PCDHGC4: variants seen among roughly 807,000 people sequenced by gnomAD.
The protein encoded by PCDHGC4 is protocadherin gamma subfamily C, 4, also known as protocadherin gamma-C4.
A neutral mutation model predicts 59.7 loss-of-function variants in PCDHGC4; 15 were observed. The observed-to-expected ratio is 0.25, with a 90% CI of 0.17 to 0.39. The LOEUF (loss-of-function observed/expected upper bound fraction) is 0.39, where lower values mean the gene tolerates loss of function less well. Among genes scored for constraint, PCDHGC4 ranks in the 10% least tolerant of loss-of-function variants. The pLI is 1.00. For synonymous variants in PCDHGC4, 434 were observed against 481.4 expected, an observed-to-expected ratio of 0.90 and a Z score of 1.29; for missense variants, 1,016 against 1,189.5, an observed-to-expected ratio of 0.85 and a Z score of 2.15.
chr5:141,485,070 G>T lies in PCDHGC4; in HGVS notation c.-104G>T. ...CGCCGGCCGAACCGCGCCAGAGCTG[G>T]CGCGGGGAAAGGGAGATAGGTGTCT... On this transcript the variant is annotated 5_prime_UTR_variant, in exon 1 of 4. Coordinates refer to ENST00000306593, the MANE Select transcript of PCDHGC4 (RefSeq NM_018928.3). This position sits in a 1 kb window ranked among gnomAD's most constrained non-coding sequence, Gnocchi z 5.7. 1.1e-6 allele frequency: 1 copy of T among 908,406 alleles called. No individual in the cohort carries two copies. Among genetic ancestry groups the T allele is most frequent in the East Asian group, 2.4e-5 (1 of 41,326 alleles). 56.3% of individuals were successfully genotyped at this position (908,406 alleles called of 1,614,324 possible).
intron 2 of PCDHGC4, among the ~76,000 whole-genome samples, chr5:141,497,332 A>G (rs537994715): frequency 6.6e-6 from 1 of 152,024 alleles, no homozygotes; most frequent in Non-Finnish European, 1.5e-5. Context: ...AGAATTCACC[A>G]TTGAACCTGG....
At position 141,491,969 on chromosome 5, in the gene PCDHGC4, C is replaced by A; in HGVS notation, c.2443-2838C>A. ...CCCCTACACTCAAAAAAGGCCGGGGCCTCCTTCGAGCTTCCGGTGAATTTC... is the reference window on the plus strand; with the variant it reads ...CCCCTACACTCAAAAAAGGCCGGGGACTCCTTCGAGCTTCCGGTGAATTTC... On this transcript the variant is annotated intron_variant, in intron 1 of 3. Coordinates refer to ENST00000306593, the MANE Select transcript of PCDHGC4 (RefSeq NM_018928.3). The surrounding 1 kb of genome is among the most constrained non-coding windows in gnomAD (Gnocchi z 6.9). 1 of 898,714 alleles carries A rather than the reference C, an allele frequency of 1.1e-6. No individual in the cohort carries two copies. Among genetic ancestry groups the A allele is most frequent in the Non-Finnish European group, 1.6e-6 (1 of 629,384 alleles). 55.7% of individuals were successfully genotyped at this position (898,714 alleles called of 1,614,324 possible). A position where few individuals can be genotyped will look rare whatever the true frequency, so the allele number is the denominator to read the frequency against.
intron 3 of PCDHGC4, 77 bp downstream of exon 3, chr5:141,505,558 C>T (rs945428797): frequency 3.7e-6 from 6 of 1,605,016 alleles, no homozygotes; most frequent in African/African-American, 1.3e-5. Context: ...ACCATGCCCA[C>T]GGACTGGATG....
Position 141,491,954 on chromosome 5 carries a change from C to A in PCDHGC4, c.2443-2853C>A. ...TGGGACCGACCCCCACCCCTACACT[C>A]AAAAAAGGCCGGGGCCTCCTTCGAG... On this transcript the variant is annotated intron_variant, in intron 1 of 3. Transcript: ENST00000306593. This position sits in a 1 kb window ranked among gnomAD's most constrained non-coding sequence, Gnocchi z 6.9. The A allele has an allele frequency of 9.7e-7, 1 of 1,032,914 alleles. No individual in the cohort carries two copies. Among genetic ancestry groups the A allele is most frequent in the Non-Finnish European group, 1.3e-6 (1 of 747,256 alleles). The allele number at this position is 1,032,914 out of a possible 1,614,324, so 64.0% of individuals were successfully genotyped here.
chr5:141,488,095 A>G (rs78361634), intron 1 of PCDHGC4, among the ~76,000 whole-genome samples: 8,142 of 152,146 alleles, frequency 0.054, 446 homozygotes, highest in African/African-American at 0.15. Flanking sequence ...CTGTGAAGGG[A>G]CCTCTCTATT....
intron 2 of PCDHGC4, among the ~76,000 whole-genome samples, chr5:141,498,795 T>C (rs2099785702): frequency 6.6e-6 from 1 of 152,032 alleles, no homozygotes; most frequent in Admixed American, 6.6e-5. Context: ...TAGCCAGGTG[T>C]GGTGGTGCAC....
At position 141,485,532 on chromosome 5, in the gene PCDHGC4, A is replaced by C. The variant is rs1360942348; in HGVS notation, c.359A>C (p.Glu120Ala). 6.2e-7 allele frequency: 1 copy of C among 1,614,108 alleles called. No individual in the cohort carries two copies. The highest frequency in any genetic ancestry group is 1.7e-5 in the Admixed American group (1 of 60,000). ...GGTCCTTTGGAAATGTACCGAGCAG[A>C]GGTAGAGATCGTAGATGTGAATGAT... Reference protein sequence around the residue: ...TEGPLEMYRAEVEIVDVNDHA... With the variant: ...TEGPLEMYRAAVEIVDVNDHA... Residue 120 changes from glutamate (E) to alanine (A), a missense_variant, in exon 1 of 4, where the codon GAG becomes GCG. Physicochemically the swap from Glu to Ala is moderately radical, Grantham distance 107. Transcript: ENST00000306593. This position sits in a 1 kb window ranked among gnomAD's most constrained non-coding sequence, Gnocchi z 5.7.
In PCDHGC4 at chr5:141,512,133, G is replaced by A. The variant is rs1394116556; in HGVS notation, c.*960G>A. ...CCACTACATAATAGGGCTCAGCCCA[G>A]GCAGCCAGCTTTGGGCTGAGCTAAC... On this transcript the variant is annotated 3_prime_UTR_variant, in exon 4 of 4. Coordinates refer to ENST00000306593, the MANE Select transcript of PCDHGC4 (RefSeq NM_018928.3). 3 of 152,708 alleles carry A rather than the reference G, an allele frequency of 2.0e-5. No homozygotes were observed. Among genetic ancestry groups the A allele is most frequent in the Non-Finnish European group, 2.9e-5 (2 of 68,102 alleles). 9.5% of individuals were successfully genotyped at this position (152,708 alleles called of 1,614,324 possible).
intron 3 of PCDHGC4, among the ~76,000 whole-genome samples, chr5:141,510,566 A>G (rs2154594633): frequency 6.6e-6 from 1 of 152,288 alleles, no homozygotes; most frequent in South Asian, 2.1e-4. Flanking sequence ...TACATCTACC[A>G]GGCACTATTT....
In PCDHGC4 at chr5:141,487,917, CTACAGTGCACAGGG is replaced by C; in HGVS notation, c.2442+313_2442+326del. On this transcript the variant is annotated intron_variant, in intron 1 of 3. Coordinates refer to ENST00000306593, the MANE Select transcript of PCDHGC4 (RefSeq NM_018928.3). The surrounding 1 kb of genome is among the most constrained non-coding windows in gnomAD (Gnocchi z 5.0). ...TGATGGAATGTGGGAGCACAGGAGG[CTACAGTGCACAGGG>C]TACAGTGCACCAGGCAGTCACTTGG... 1 of 647,994 alleles carries C rather than the reference CTACAGTGCACAGGG, an allele frequency of 1.5e-6. No homozygotes were observed. The highest frequency in any genetic ancestry group is 2.7e-6 in the Non-Finnish European group (1 of 377,182). 40.1% of individuals were successfully genotyped at this position (647,994 alleles called of 1,614,324 possible).
Position 141,511,400 on chromosome 5 carries a change from T to C in PCDHGC4, c.*227T>C. The C allele has an allele frequency of 2.0e-6, 2 of 982,250 alleles. No individual in the cohort carries two copies. Among genetic ancestry groups the C allele is most frequent in the Non-Finnish European group, 2.9e-6 (2 of 688,054 alleles). The allele number at this position is 982,250 out of a possible 1,614,324, so 60.8% of individuals were successfully genotyped here. On this transcript the variant is annotated 3_prime_UTR_variant, in exon 4 of 4. Coordinates refer to ENST00000306593, the MANE Select transcript of PCDHGC4 (RefSeq NM_018928.3). ...AGTTCCGCTGGGAACCCCCATCCAA[T>C]CAACTGCTGTACCCATGGGGGTAGT...
intron 1 of PCDHGC4, among the ~76,000 whole-genome samples, chr5:141,492,167 C>T (rs565536989): frequency 6.6e-6 from 1 of 152,344 alleles, no homozygotes; most frequent in East Asian, 1.9e-4. Context: ...CCTATCCCCG[C>T]ATCACCCAAC....
rs138149681 is a variant in PCDHGC4, at chr5:141,486,735, G to A, written c.1562G>A (p.Arg521Gln). Reference sequence around the variant, plus strand: ...CAGACAGGAGCTGTTCATGCTACTCGATCCTTTGACTATGAGCAAACCCAG... The same window carrying A: ...CAGACAGGAGCTGTTCATGCTACTCAATCCTTTGACTATGAGCAAACCCAG... ...NPQTGAVHAT[R>Q]SFDYEQTQTL... The change falls in exon 1 of 4, where the codon CGA becomes CAA. Residue 521 changes from arginine (R) to glutamine (Q), a missense_variant. Physicochemically the swap from Arg to Gln is conservative, Grantham distance 43. Transcript: ENST00000306593. The surrounding 1 kb of genome is among the most constrained non-coding windows in gnomAD (Gnocchi z 5.0). 3.1e-4 allele frequency: 502 copies of A among 1,614,174 alleles called. 1 individual carries two copies. Among genetic ancestry groups the A allele is most frequent in the South Asian group, 1.8e-3 (161 of 91,086 alleles).
intron 1 of PCDHGC4, among the ~76,000 whole-genome samples, chr5:141,492,206 G>T (rs1180294159): frequency 6.6e-6 from 1 of 152,204 alleles, no homozygotes; most frequent in African/African-American, 2.4e-5. Context: ...TTAGGTGTGC[G>T]CGCGGGGCTC....
intron 3 of PCDHGC4, among the ~76,000 whole-genome samples, chr5:141,509,596 G>A (rs538867815): frequency 1.3e-5 from 2 of 152,258 alleles, no homozygotes; most frequent in Admixed American, 6.5e-5. Context: ...TGGCAATTCC[G>A]AGAGGCTGCA....
At position 141,487,144 on chromosome 5, in the gene PCDHGC4, C is replaced by T. The variant is rs2099640304; in HGVS notation, c.1971C>T (p.Thr657=). The T allele has an allele frequency of 6.2e-7, 1 of 1,614,032 alleles. No homozygotes were observed. Among genetic ancestry groups the T allele is most frequent in the African/African-American group, 1.3e-5 (1 of 75,056 alleles). The change falls in exon 1 of 4, where the codon ACC becomes ACT. Residue 657 remains threonine (T), a synonymous_variant. Coordinates refer to ENST00000306593, the MANE Select transcript of PCDHGC4 (RefSeq NM_018928.3). This position sits in a 1 kb window ranked among gnomAD's most constrained non-coding sequence, Gnocchi z 5.0. ...VKDSGSPPLS[T]SVTLLVSLEE... ...ATAGTGGTAGTCCACCACTCTCTAC[C>T]TCTGTTACTCTCTTAGTGTCCTTAG...
chr5:141,489,776 C>T lies in PCDHGC4; in HGVS notation c.2442+2161C>T. The T allele has an allele frequency of 6.2e-7, 1 of 1,614,202 alleles. No homozygotes were observed. Among genetic ancestry groups the T allele is most frequent in the Non-Finnish European group, 8.5e-7 (1 of 1,180,020 alleles). On this transcript the variant is annotated intron_variant, in intron 1 of 3. Transcript: ENST00000306593. This position sits in a 1 kb window ranked among gnomAD's most constrained non-coding sequence, Gnocchi z 4.5. ...ACTCTAAGCCCCAACAGCCACTTCT[C>T]TCTGAATGTGAAGACCCTAAAAGAT...
Position 141,505,420 on chromosome 5 carries a change from C to G in PCDHGC4, c.2529C>G (p.Thr843=), listed in dbSNP as rs1236398971. 6.2e-7 allele frequency: 1 copy of G among 1,614,102 alleles called. No individual in the cohort carries two copies. Among genetic ancestry groups the G allele is most frequent in the Non-Finnish European group, 8.5e-7 (1 of 1,180,034 alleles). ...SGSQNGDDTG[T]WPNNQFDTEM... is the part of the protein sequence containing the mutation. ...CCCAAAATGGCGATGACACCGGCACCTGGCCCAACAACCAGTTTGACACAG... is the reference window on the plus strand; with the variant it reads ...CCCAAAATGGCGATGACACCGGCACGTGGCCCAACAACCAGTTTGACACAG... The change falls in exon 3 of 4, where the codon ACC becomes ACG. Residue 843 remains threonine (T), a synonymous_variant. Coordinates refer to ENST00000306593, the MANE Select transcript of PCDHGC4 (RefSeq NM_018928.3).
At chr5:141,497,713 T>C (rs1357797720) in intron 2 of PCDHGC4, among the ~76,000 whole-genome samples, 3 of 152,084 alleles carry the variant, frequency 2.0e-5, no homozygotes, top group Non-Finnish European at 1.5e-5. Context: ...CTCATTTTTG[T>C]ATTTTTAGTA....
Sources: gnomAD v4.1 joint callset for allele counts (sites outside exome capture counted in the v4.1 genomes callset) on GRCh38, gnomAD v4.1.1 for gene constraint, Gnocchi (gnomAD v3.1) non-coding constraint, MANE v1.5 for transcripts, NCBI Gene and HGNC (gene_info 2026-07-23, HGNC 2026-07-21) for gene names.